CLRN3: variants seen among roughly 807,000 people sequenced by gnomAD.
CLRN3 encodes the protein clarin 3, also known as clarin-3.
Under a neutral mutation model 16.7 loss-of-function variants are expected in CLRN3, and 12 were observed. The observed-to-expected ratio is 0.72, with a 90% CI of 0.46 to 1.16. CLRN3 has a LOEUF of 1.16. CLRN3 is among the 50% of genes most tolerant of loss of function. The pLI, the probability that CLRN3 is intolerant of heterozygous loss-of-function variation, is 0.00. For missense variants in CLRN3, 296 were observed against 274.2 expected (o/e 1.08, Z -0.56); for synonymous variants, 118 against 113.0 (o/e 1.04, Z -0.28).
intron 2 of CLRN3, among the ~76,000 whole-genome samples, chr10:127,882,508 G>A (rs11018388): frequency 0.46 from 69,259 of 152,152 alleles, 19,078 homozygotes; most frequent in Non-Finnish European, 0.59. Context: ...GTGTTTACAC[G>A]ATTCCAATCA....
In CLRN3 at chr10:127,883,739, T is replaced by A; in HGVS notation, c.366A>T (p.Thr122=). The A allele has an allele frequency of 6.2e-7, 1 of 1,613,792 alleles. No individual in the cohort carries two copies. Among genetic ancestry groups the A allele is most frequent in the Non-Finnish European group, 8.5e-7 (1 of 1,179,902 alleles). Residue 122 remains threonine (T), a synonymous_variant, in exon 2 of 3, where the codon ACA becomes ACT. Transcript: ENST00000368671. ...FYNSISNPYQ[T]FLGPTGVYTW... ...TGTACACCCCCGTCGGCCCCAGGAA[T>A]GTCTGGTAAGGGTTGCTGATGCTGT...
At chr10:127,881,680 A>T (rs895946773) in intron 2 of CLRN3, among the ~76,000 whole-genome samples, 2 of 152,228 alleles carry the variant, frequency 1.3e-5, no homozygotes, top group Non-Finnish European at 2.9e-5. Flanking sequence ...TGGTCAAGGG[A>T]TGGGAGAAGG....
intron 1 of CLRN3, among the ~76,000 whole-genome samples, chr10:127,890,931 G>C (rs1845251323): frequency 7.5e-6 from 1 of 133,564 alleles, no homozygotes; most frequent in African/African-American, 2.5e-5. Context: ...GTCAACCAGA[G>C]TGACAGTGCA....
intron 1 of CLRN3, among the ~76,000 whole-genome samples, chr10:127,886,166 A>G (rs1475950025): frequency 6.6e-6 from 1 of 152,252 alleles, no homozygotes; most frequent in Non-Finnish European, 1.5e-5. Context: ...CTGGGATTAC[A>G]GGCCACCACA....
chr10:127,883,034 T>C (rs1175108140), intron 2 of CLRN3, among the ~76,000 whole-genome samples: 3 of 152,194 alleles, frequency 2.0e-5, no homozygotes, highest in Non-Finnish European at 4.4e-5. Flanking sequence ...GCTTCCCATC[T>C]GGGCTCCATC....
chr10:127,886,445 C>T (rs1845195228), intron 1 of CLRN3, among the ~76,000 whole-genome samples: 1 of 152,152 alleles, frequency 6.6e-6, no homozygotes. Flanking sequence ...GGTGAAGACC[C>T]TCATCCCAAG....
At position 127,892,750 on chromosome 10, in the gene CLRN3, G is replaced by A; in HGVS notation, c.35C>T (p.Ser12Leu). 6.2e-7 allele frequency: 1 copy of A among 1,612,996 alleles called. No homozygotes were observed. Among genetic ancestry groups the A allele is most frequent in the Non-Finnish European group, 8.5e-7 (1 of 1,179,406 alleles). Residue 12 changes from serine (S) to leucine (L), a missense_variant, in exon 1 of 3, where the codon TCA (serine) becomes TTA (leucine). Ser to Leu is a moderately radical substitution (Grantham distance 145, BLOSUM62 -2). Coordinates refer to ENST00000368671, the MANE Select transcript of CLRN3 (RefSeq NM_152311.5). ...GGACCCAAGGCTGGTGAAAAAGCTT[G>A]ATAAGAACATCAATGTCTTCTTTGT... ...PTTKKTLMFLSSFFTSLGSFI... is the reference protein window; with the variant it reads ...PTTKKTLMFLLSFFTSLGSFI...
chr10:127,891,802 A>T (rs1564780866), intron 1 of CLRN3, among the ~76,000 whole-genome samples: 2 of 152,208 alleles, frequency 1.3e-5, no homozygotes, highest in African/African-American at 4.8e-5. Flanking sequence ...TGCCTGTATA[A>T]TACTTGCATA....
chr10:127,883,617 G>A (rs1845155948), intron 2 of CLRN3, 79 bp downstream of exon 2: 2 of 993,600 alleles, frequency 2.0e-6, no homozygotes, highest in African/African-American at 3.2e-5. Context: ...GTATGTTCAT[G>A]CATGTGTGAG....
At chr10:127,892,337 A>G (rs79415570) in intron 1 of CLRN3, among the ~76,000 whole-genome samples, 9,727 of 152,292 alleles carry the variant, frequency 0.064, 435 homozygotes, top group Middle Eastern at 0.11. Flanking sequence ...AGCCACTGCT[A>G]GAATGATATA....
chr10:127,888,802 C>A (rs746797030), intron 1 of CLRN3, among the ~76,000 whole-genome samples: 41 of 152,228 alleles, frequency 2.7e-4, no homozygotes, highest in Non-Finnish European at 5.1e-4. Flanking sequence ...CAGGCCACAT[C>A]CAAAGGACTT....
intron 1 of CLRN3, among the ~76,000 whole-genome samples, chr10:127,889,790 G>C (rs1845238347): frequency 6.6e-6 from 1 of 152,156 alleles, no homozygotes; most frequent in African/African-American, 2.4e-5. Flanking sequence ...TGTCATGTTT[G>C]CCAGTGTGAG....
intron 2 of CLRN3, among the ~76,000 whole-genome samples, chr10:127,883,042 A>G (rs1887462): frequency 0.93 from 142,084 of 152,260 alleles, 66,364 homozygotes; most frequent in East Asian, 1. Context: ...TCTGGGCTCC[A>G]TCCTCCCAGC....
At chr10:127,878,573 A>G (rs751262825) in intron 2 of CLRN3, among the ~76,000 whole-genome samples, 153 bp from the exon 3 acceptor site, 1 of 152,226 alleles carries the variant, frequency 6.6e-6, no homozygotes, top group Non-Finnish European at 1.5e-5. Flanking sequence ...AAATTGTAAG[A>G]CACAAACTAG....
chr10:127,884,001 G>A, intron 1 of CLRN3, 126 bp from the exon 2 acceptor site: 1 of 852,330 alleles, frequency 1.2e-6, no homozygotes. Context: ...AGAGATACCA[G>A]GAGCCTCCAA....
chr10:127,885,387 T>C (rs1372539175), intron 1 of CLRN3, among the ~76,000 whole-genome samples: 1 of 152,172 alleles, frequency 6.6e-6, no homozygotes, highest in African/African-American at 2.4e-5. Context: ...AATTCTCCTT[T>C]GGGAATCATA....
chr10:127,883,320 GTA>G (rs1845152400), intron 2 of CLRN3, among the ~76,000 whole-genome samples: 1 of 152,162 alleles, frequency 6.6e-6, no homozygotes, highest in African/African-American at 2.4e-5. Flanking sequence ...GTGTGCATGT[GTA>G]TGTGTGTGCA....
rs756403169 is a variant in CLRN3, at chr10:127,883,836, T to A, written c.269A>T (p.His90Leu). The A allele has an allele frequency of 6.2e-7, 1 of 1,614,246 alleles. No homozygotes were observed. Among genetic ancestry groups the A allele is most frequent in the Non-Finnish European group, 8.5e-7 (1 of 1,180,042 alleles). Residue 90 changes from histidine to leucine, a missense_variant, in exon 2 of 3, where the codon CAT (histidine) becomes CTT (leucine). Coordinates refer to ENST00000368671, the MANE Select transcript of CLRN3 (RefSeq NM_152311.5). ...GACCAGGAACAGGATAGTCACCGAA[T>A]GCAGAGTTTTTTGGGAAGAATTATT... ...ILNNSSQKTL[H>L]SVTILFLVLS...
intron 2 of CLRN3, among the ~76,000 whole-genome samples, chr10:127,879,646 T>C (rs554968074): frequency 1.3e-5 from 2 of 151,966 alleles, no homozygotes; most frequent in South Asian, 4.2e-4. Flanking sequence ...CTAAAGGGCA[T>C]GGGGTTTCTT....
Sources: gnomAD v4.1 joint callset for allele counts (sites outside exome capture counted in the v4.1 genomes callset) on GRCh38, gnomAD v4.1.1 for gene constraint, MANE v1.5 for transcripts, NCBI Gene and HGNC (gene_info 2026-07-23, HGNC 2026-07-21) for gene names.